Variants in MAGED1 observed in about 807,000 individuals in gnomAD.
MAGED1 encodes the protein MAGE family member D1.
In MAGED1, 3 loss-of-function variants were observed where a neutral mutation model predicts 54.1. The ratio of observed to expected loss-of-function variants is 0.06; its 90% CI spans 0.03 to 0.14. The LOEUF (loss-of-function observed/expected upper bound fraction) is 0.14. Among genes scored for constraint, MAGED1 ranks in the 10% least tolerant of loss-of-function variants. The pLI is 1.00. For synonymous variants in MAGED1, 217 were observed against 227.3 expected (o/e 0.95, Z 0.41); for missense variants, 485 against 623.4 (o/e 0.78, Z 2.36).
chrX:51,853,192 T>C (rs1557359913), intron 1 of MAGED1, among the ~76,000 whole-genome samples: 1 of 112,380 alleles, frequency 8.9e-6, no homozygotes, highest in East Asian at 2.8e-4. Context: ...GGTTCAATTA[T>C]GGTCTGCCAT....
chrX:51,827,011 T>C (rs1925873859), intron 1 of MAGED1, among the ~76,000 whole-genome samples: 1 of 112,203 alleles, frequency 8.9e-6, no homozygotes, highest in Non-Finnish European at 1.9e-5. Context: ...GGATAAATTG[T>C]AGTGCGTCCA....
chrX:51,897,039 G>T lies in MAGED1; in HGVS notation c.1384G>T (p.Ala462Ser). 1 of 1,211,906 alleles carries T rather than the reference G, an allele frequency of 8.3e-7. No individual in the cohort carries two copies. ...CTCGCGTGCCTCACAGAACCCAGGT[G>T]CTGCACAGCCCCGAGATGTGGCCCT... The part of the protein sequence containing the change: ...PNSRASQNPG[A>S]AQPRDVALLQ... The change falls in exon 4 of 13, where the codon GCT (alanine) becomes TCT (serine). Residue 462 changes from alanine (A) to serine (S), a missense_variant. Coordinates refer to ENST00000326587, the MANE Select transcript of MAGED1 (RefSeq NM_006986.4).
intron 1 of MAGED1, among the ~76,000 whole-genome samples, chrX:51,809,675 CT>C (rs1410915338): frequency 4.5e-5 from 5 of 110,552 alleles, no homozygotes; most frequent in Admixed American, 9.7e-5. Flanking sequence ...CTAATTTTAT[CT>C]TTTTTTTAAT....
chrX:51,898,614 A>T lies in MAGED1; in HGVS notation c.1815A>T (p.Lys605Asn). The T allele has an allele frequency of 8.3e-7, 1 of 1,208,569 alleles. No individual in the cohort carries two copies. The highest frequency in any genetic ancestry group is 1.1e-6 in the Non-Finnish European group (1 of 894,377). ...ATCCCCTCCTTGGAGATCTAAGGAA[A>T]CTTCTCACCTATGAGTTTGTAAAGC... The part of the protein sequence containing the change: ...VRHPLLGDLR[K>N]LLTYEFVKQK... Residue 605 changes from lysine (K) to asparagine (N), a missense_variant, in exon 10 of 13, where the codon AAA becomes AAT. By Grantham distance (94) the Lys-to-Asn change is moderately conservative. Coordinates refer to ENST00000326587, the MANE Select transcript of MAGED1 (RefSeq NM_006986.4).
intron 1 of MAGED1, among the ~76,000 whole-genome samples, chrX:51,881,596 C>G (rs928524820): frequency 9.2e-6 from 1 of 108,191 alleles, no homozygotes; most frequent in Non-Finnish European, 1.9e-5. Context: ...TTTGTATTTT[C>G]AGTAGAGACG....
rs781790962 is a variant in MAGED1, at chrX:51,829,748, A to C, written c.-37+26631A>C. On this transcript the variant is annotated intron_variant, in intron 1 of 12. Transcript: ENST00000375772. ...CTAATAACAAGGACAAGGGACTGAAAATCAAAATAATGAAATGTCACTTTT... is the reference window on the plus strand; with the variant it reads ...CTAATAACAAGGACAAGGGACTGAACATCAAAATAATGAAATGTCACTTTT... 8.9e-5 allele frequency among the ~76,000 whole-genome samples: 10 copies of C among 111,968 alleles called. 1 individual carries two copies. The East Asian group carries it at 1.1e-3, about 12-fold the overall frequency.
chrX:51,818,686 T>G (rs1557356275), intron 1 of MAGED1, among the ~76,000 whole-genome samples: 10 of 112,261 alleles, frequency 8.9e-5, no homozygotes. Flanking sequence ...CTTCAGGCAT[T>G]CACCTTAGCA....
At chrX:51,901,990 T>C in intron 12 of MAGED1, 52 bp downstream of exon 12, 1 of 1,103,357 alleles carries the variant, frequency 9.1e-7, no homozygotes, top group Non-Finnish European at 1.2e-6. Flanking sequence ...GGATATAGGG[T>C]CCATGGGGTT....
chrX:51,894,407 G>C (rs1928601613), intron 2 of MAGED1, 58 bp downstream of exon 2: 19 of 1,067,646 alleles, frequency 1.8e-5, no homozygotes, highest in Non-Finnish European at 2.4e-5. Flanking sequence ...CCCTCCCCGC[G>C]GGCCTCTTTG....
chrX:51,870,084 T>C (rs1927611455), intron 1 of MAGED1, among the ~76,000 whole-genome samples: 1 of 111,356 alleles, frequency 9.0e-6, no homozygotes, highest in Non-Finnish European at 1.9e-5. Flanking sequence ...AAAATATGGT[T>C]CTTGGACAAG....
At chrX:51,882,807 C>T in intron 1 of MAGED1, among the ~76,000 whole-genome samples, 1 of 111,217 alleles carries the variant, frequency 9.0e-6, no homozygotes, top group East Asian at 2.8e-4. Context: ...TCTCCTGCCT[C>T]AGCCTCCTGA....
chrX:51,836,558 A>G (rs782284154), intron 1 of MAGED1, among the ~76,000 whole-genome samples: 71 of 106,426 alleles, frequency 6.7e-4, no homozygotes, highest in African/African-American at 1.9e-3. Flanking sequence ...CTCTGTATAC[A>G]CTAATGTGTA....
chrX:51,841,916 C>T (rs1295147388), intron 1 of MAGED1, among the ~76,000 whole-genome samples: 10 of 111,613 alleles, frequency 9.0e-5, no homozygotes, highest in African/African-American at 2.6e-4. Context: ...ATTGGCAATG[C>T]GGGCTCTTTT....
At chrX:51,821,295 T>C (rs782443466) in intron 1 of MAGED1, among the ~76,000 whole-genome samples, 1 of 111,834 alleles carries the variant, frequency 8.9e-6, no homozygotes, top group East Asian at 2.8e-4. Flanking sequence ...TTGCCCTTGT[T>C]AGAATCTTCA....
At chrX:51,803,352 C>A (rs1323264340) in intron 1 of MAGED1, among the ~76,000 whole-genome samples, 1 of 110,027 alleles carries the variant, frequency 9.1e-6, no homozygotes, top group Non-Finnish European at 1.9e-5. Flanking sequence ...TCCCTTTAAC[C>A]GCTTGACTCC....
chrX:51,829,019 A>G (rs1925961555), intron 1 of MAGED1, among the ~76,000 whole-genome samples: 1 of 111,225 alleles, frequency 9.0e-6, no homozygotes. Context: ...ATTGGGCAGC[A>G]CATGTCCAAA....
At chrX:51,846,385 G>A (rs1557359279) in intron 1 of MAGED1, among the ~76,000 whole-genome samples, 1 of 111,257 alleles carries the variant, frequency 9.0e-6, no homozygotes, top group East Asian at 2.8e-4. Context: ...GATGGAAGAT[G>A]GAGCCACGAG....
intron 5 of MAGED1, 137 bp downstream of exon 5, chrX:51,897,408 C>T (rs1438946968): frequency 5.4e-6 from 4 of 735,671 alleles, no homozygotes; most frequent in African/African-American, 2.2e-5. Context: ...TGACCCTTCC[C>T]CTTCTATCCC....
intron 1 of MAGED1, among the ~76,000 whole-genome samples, chrX:51,817,795 T>C (rs1187978634): frequency 8.9e-6 from 1 of 112,109 alleles, no homozygotes; most frequent in Non-Finnish European, 1.9e-5. Flanking sequence ...CTACCACTTT[T>C]CAATACCTAC....
Sources: allele counts gnomAD v4.1 joint callset (sites outside exome capture counted in the v4.1 genomes callset), GRCh38; gene constraint gnomAD v4.1.1; transcripts MANE v1.5; gene names NCBI Gene and HGNC (gene_info 2026-07-23, HGNC 2026-07-21).